The following AVL9 variants were observed in gnomAD, a reference collection of about 807,000 sequenced individuals.
AVL9 encodes the protein AVL9 cell migration associated, also known as late secretory pathway protein AVL9 homolog.
Under a neutral mutation model 79.2 loss-of-function variants are expected in AVL9, and 49 were observed. The ratio of observed to expected loss-of-function variants is 0.62; its 90% CI spans 0.49 to 0.79. The LOEUF (loss-of-function observed/expected upper bound fraction) is 0.79. Ranked by LOEUF, AVL9 falls within the 30% of genes least tolerant of loss-of-function variation. AVL9 has a pLI of 0.00. For synonymous variants in AVL9, 299 were observed against 280.6 expected (o/e 1.07, Z -0.65); for missense variants, 682 against 776.8 (o/e 0.88, Z 1.45).
At chr7:32,543,997 A>T (rs1789345630) in intron 2 of AVL9, among the ~76,000 whole-genome samples, 2 of 151,414 alleles carry the variant, frequency 1.3e-5, no homozygotes, top group East Asian at 3.9e-4. Flanking sequence ...GAGCTCAAGC[A>T]GTTCTCCTAC....
At chr7:32,514,464 C>T (rs1434120395) in intron 1 of AVL9, among the ~76,000 whole-genome samples, 7 of 152,206 alleles carry the variant, frequency 4.6e-5, no homozygotes, top group Non-Finnish European at 1.0e-4. Flanking sequence ...GCCAAGCCAT[C>T]GCATCCCCTG....
In AVL9 at chr7:32,584,700, C is replaced by T. The variant is rs769823528; in HGVS notation, c.*793C>T. 6.9e-6 allele frequency: 1 copy of T among 144,438 alleles called. No homozygotes were observed. The highest frequency in any genetic ancestry group is 2.6e-5 in the African/African-American group (1 of 38,624). The allele number at this position is 144,438 out of a possible 1,614,324, so 8.9% of individuals were successfully genotyped here. ...AAGACCTATGTGTTTATTTTTCAAC[C>T]GCAGTCATGTTGCAGTCTTACAAGC... On this transcript the variant is annotated 3_prime_UTR_variant, in exon 16 of 16. Transcript: ENST00000318709.
rs146342571 is a variant in AVL9 at position 32,551,339 on chromosome 7, G to C, written c.378G>C (p.Leu126=). ...TTTCTCTTTTTTCCTTTAAGCCTCTGTATGGTTTACTTCAAGCAAAACTTC... is the reference window on the plus strand; with the variant it reads ...TTTCTCTTTTTTCCTTTAAGCCTCTCTATGGTTTACTTCAAGCAAAACTTC... ...KSVCVLSKLP[L]YGLLQAKLQL... is the part of the protein sequence containing the mutation. The change falls in exon 5 of 16, where the codon CTG becomes CTC. Residue 126 remains leucine (L), a synonymous_variant. Transcript: ENST00000318709. The C allele has an allele frequency of 7.1e-3, 11,334 of 1,598,918 alleles. 55 individuals carry two copies. Among genetic ancestry groups the C allele is most frequent in the Non-Finnish European group, 8.7e-3 (10,147 of 1,167,770 alleles).
chr7:32,559,308 C>T lies in AVL9; in HGVS notation c.1059C>T (p.Asp353=), dbSNP rs1410865803. The T allele has an allele frequency of 6.2e-7, 1 of 1,614,166 alleles. No homozygotes were observed. Among genetic ancestry groups the T allele is most frequent in the African/African-American group, 1.3e-5 (1 of 75,046 alleles). The change falls in exon 10 of 16, where the codon GAC becomes GAT. Residue 353 remains aspartate (D), a synonymous_variant. Transcript: ENST00000318709. ...NLKEREQLGS[D]QTNLFPKDSV... Reference sequence around the variant, plus strand: ...AAGAAAGGGAACAGCTGGGATCAGACCAGACAAATTTGTTTCCAAAGGACT... The same window carrying T: ...AAGAAAGGGAACAGCTGGGATCAGATCAGACAAATTTGTTTCCAAAGGACT...
intron 10 of AVL9, among the ~76,000 whole-genome samples, chr7:32,563,616 G>C (rs11764241): frequency 1.3e-5 from 2 of 150,950 alleles, no homozygotes; most frequent in Non-Finnish European, 2.9e-5. Flanking sequence ...TCAGTTACTA[G>C]AACAAAGTAT....
intron 1 of AVL9, 119 bp from the exon 2 acceptor site, chr7:32,543,022 T>C: frequency 2.4e-6 from 3 of 1,276,258 alleles, no homozygotes; most frequent in Non-Finnish European, 1.1e-6. Context: ...TCAAATGACA[T>C]TATACAGTGT....
chr7:32,539,960 C>A (rs991122348), intron 1 of AVL9, among the ~76,000 whole-genome samples: 1 of 152,196 alleles, frequency 6.6e-6, no homozygotes, highest in African/African-American at 2.4e-5. Flanking sequence ...CTTTACCCGC[C>A]TGGATAATCC....
chr7:32,541,527 C>T (rs787220), intron 1 of AVL9, among the ~76,000 whole-genome samples: 3 of 151,786 alleles, frequency 2.0e-5, no homozygotes, highest in Non-Finnish European at 2.9e-5. Flanking sequence ...TTTTTTAACT[C>T]TAAAATTGCC....
intron 10 of AVL9, chr7:32,559,838 A>G (rs1790253481): frequency 6.1e-6 from 1 of 164,454 alleles, no homozygotes; most frequent in East Asian, 1.8e-4. Context: ...CAGTTACAGA[A>G]CACTGTGATA....
intron 1 of AVL9, among the ~76,000 whole-genome samples, chr7:32,524,231 C>T (rs1049418819): frequency 1.3e-5 from 2 of 151,962 alleles, no homozygotes; most frequent in African/African-American, 2.4e-5. Context: ...ATGGGTATTA[C>T]ATCGCTGGGC....
chr7:32,560,324 A>G (rs1790278997), intron 10 of AVL9, among the ~76,000 whole-genome samples: 2 of 151,808 alleles, frequency 1.3e-5, no homozygotes, highest in Non-Finnish European at 2.9e-5. Flanking sequence ...GTGAAGTACA[A>G]TTAATTATTA....
At chr7:32,563,257 C>A (rs1244702691) in intron 10 of AVL9, among the ~76,000 whole-genome samples, 1 of 151,996 alleles carries the variant, frequency 6.6e-6, no homozygotes, top group East Asian at 1.9e-4. Context: ...GTCTCAAACT[C>A]CTGATCTCAG....
chr7:32,547,599 G>A (rs1180515688), intron 3 of AVL9, among the ~76,000 whole-genome samples: 3 of 152,104 alleles, frequency 2.0e-5, no homozygotes, highest in Non-Finnish European at 4.4e-5. Flanking sequence ...CCACTCCCTG[G>A]TTCTGACCCA....
intron 2 of AVL9, among the ~76,000 whole-genome samples, chr7:32,543,539 A>G (rs1212116218): frequency 6.6e-6 from 1 of 152,138 alleles, no homozygotes; most frequent in Non-Finnish European, 1.5e-5. Context: ...CTACATCTAT[A>G]CTTCATACTC....
intron 4 of AVL9, among the ~76,000 whole-genome samples, chr7:32,551,041 G>C (rs2128138064): frequency 6.6e-6 from 1 of 152,242 alleles, no homozygotes; most frequent in South Asian, 2.1e-4. Context: ...AGATCAGCAA[G>C]CAGAGGTGGA....
At chr7:32,568,156 C>T (rs949511524) in intron 10 of AVL9, among the ~76,000 whole-genome samples, 5 of 151,984 alleles carry the variant, frequency 3.3e-5, no homozygotes, top group South Asian at 4.2e-4. Flanking sequence ...TGAGTCATCG[C>T]GCCCAGCCCG....
intron 6 of AVL9, 56 bp from the exon 7 acceptor site, chr7:32,553,671 C>A: frequency 7.6e-7 from 1 of 1,312,388 alleles, no homozygotes; most frequent in Non-Finnish European, 1.1e-6. Flanking sequence ...AATAACCTTT[C>A]TGCAGCAAAA....
intron 13 of AVL9, 41 bp downstream of exon 13, chr7:32,576,113 G>A: frequency 7.3e-7 from 1 of 1,367,414 alleles, no homozygotes. Context: ...ATAAATGGTT[G>A]GTTTACGAGT....
At chr7:32,543,789 AC>A (rs370156110) in intron 2 of AVL9, among the ~76,000 whole-genome samples, 14 of 152,274 alleles carry the variant, frequency 9.2e-5, no homozygotes, top group Non-Finnish European at 1.5e-4. Flanking sequence ...CGAATCTCTT[AC>A]CACCCTATAA....
Sources: gnomAD v4.1 joint callset for allele counts (sites outside exome capture counted in the v4.1 genomes callset) on GRCh38, gnomAD v4.1.1 for gene constraint, MANE v1.5 for transcripts, NCBI Gene and HGNC (gene_info 2026-07-23, HGNC 2026-07-21) for gene names.